HLCS: variants seen among roughly 807,000 people sequenced by gnomAD.
HLCS encodes the protein biotin--protein ligase.
Under a neutral mutation model 75.0 loss-of-function variants are expected in HLCS, and 53 were observed. That is an observed-to-expected ratio of 0.71 (90% CI 0.57 to 0.89). HLCS has a LOEUF of 0.89. Among genes scored for constraint, HLCS ranks in the 40% least tolerant of loss-of-function variants. The pLI is 0.00. For synonymous variants in HLCS, 431 were observed against 428.6 expected (o/e 1.01, Z -0.07); for missense variants, 966 against 1,074.0 (o/e 0.90, Z 1.41).
rs1418402190 is a variant in HLCS at position 36,750,142 on chromosome 21, T to TG, written c.*4103dup. 1.3e-5 allele frequency among the ~76,000 whole-genome samples: 2 copies of TG among 152,180 alleles called. No homozygotes were observed. Among genetic ancestry groups the TG allele is most frequent in the Non-Finnish European group, 2.9e-5 (2 of 68,012 alleles). On this transcript the variant is annotated 3_prime_UTR_variant, in exon 11 of 11. Transcript: ENST00000674895. ...TCTTGAAGAGTCTGCACATTTAAGC[T>TG]GGGGATAGCGTTTCTTGACTTCTGT...
intron 6 of HLCS, among the ~76,000 whole-genome samples, chr21:36,815,534 G>C (rs1365404400): frequency 6.6e-6 from 1 of 152,194 alleles, no homozygotes; most frequent in Non-Finnish European, 1.5e-5. Flanking sequence ...TATTATTACT[G>C]AGAAACAGAG....
At position 36,752,524 on chromosome 21, in the gene HLCS, C is replaced by T. The variant is rs149800712; in HGVS notation, c.*1722G>A. 1 of 152,600 alleles carries T rather than the reference C, an allele frequency of 6.6e-6. No homozygotes were observed. The highest frequency in any genetic ancestry group is 1.5e-5 in the Non-Finnish European group (1 of 68,032). 9.5% of individuals were successfully genotyped at this position (152,600 alleles called of 1,614,324 possible). A position where few individuals can be genotyped will look rare whatever the true frequency, so the allele number is the denominator to read the frequency against. Reference sequence around the variant, plus strand: ...GTCCCTGATGATATTCTGCAGATGCCCTCTCAAGGGTAAGTCCATTTTGTA... The same window carrying T: ...GTCCCTGATGATATTCTGCAGATGCTCTCTCAAGGGTAAGTCCATTTTGTA... On this transcript the variant is annotated 3_prime_UTR_variant, in exon 11 of 11. Coordinates refer to ENST00000674895, the MANE Select transcript of HLCS (RefSeq NM_001352514.2).
chr21:36,759,968 C>T, intron 8 of HLCS, 127 bp from the exon 9 acceptor site: 2 of 731,250 alleles, frequency 2.7e-6, no homozygotes, highest in South Asian at 2.9e-5. Flanking sequence ...CTTTTTCAGG[C>T]AGCTAATCAC....
At position 36,750,354 on chromosome 21, in the gene HLCS, TC is replaced by T. The variant is rs2123531242; in HGVS notation, c.*3891del. Among the ~76,000 whole-genome samples the T allele has an allele frequency of 6.6e-6, 1 of 152,300 alleles. No individual in the cohort carries two copies. Among genetic ancestry groups the T allele is most frequent in the Non-Finnish European group, 1.5e-5 (1 of 68,012 alleles). On this transcript the variant is annotated 3_prime_UTR_variant, in exon 11 of 11. Transcript: ENST00000674895. ...CACGGGGCCTCCCAGGGAAAGGAAT[TC>T]CTTTATGTTCTTGGAAGCCCTTTTC...
At chr21:36,824,670 T>A (rs1359206108) in intron 6 of HLCS, among the ~76,000 whole-genome samples, 5 of 152,232 alleles carry the variant, frequency 3.3e-5, no homozygotes, top group African/African-American at 1.2e-4. Flanking sequence ...GGTTTTGTTT[T>A]GTCCATACAC....
chr21:36,987,138 C>T (rs1016550507), intron 1 of HLCS, among the ~76,000 whole-genome samples: 2 of 152,242 alleles, frequency 1.3e-5, no homozygotes, highest in East Asian at 3.8e-4. Context: ...CCGCTCCTGA[C>T]TCATCGTTGA....
Position 36,748,883 on chromosome 21 carries a change from C to G in HLCS, c.*5363G>C, listed in dbSNP as rs954023722. The G allele has an allele frequency of 2.0e-5, 3 of 152,612 alleles. No homozygotes were observed. Among genetic ancestry groups the G allele is most frequent in the Non-Finnish European group, 4.4e-5 (3 of 68,048 alleles). The allele number at this position is 152,612 out of a possible 1,614,324, so 9.5% of individuals were successfully genotyped here. A position where few individuals can be genotyped will look rare whatever the true frequency, so the allele number is the denominator to read the frequency against. On this transcript the variant is annotated 3_prime_UTR_variant, in exon 11 of 11. Transcript: ENST00000674895. ...AGACAGTTTATGAGAATGACCCTGTCAAGCTTCATTATTACGTGGCAAAAT... is the reference window on the plus strand; with the variant it reads ...AGACAGTTTATGAGAATGACCCTGTGAAGCTTCATTATTACGTGGCAAAAT...
chr21:36,919,175 A>G (rs1435699955), intron 5 of HLCS, among the ~76,000 whole-genome samples: 1 of 152,222 alleles, frequency 6.6e-6, no homozygotes, highest in African/African-American at 2.4e-5. Flanking sequence ...TTGGCCATAA[A>G]TGGATAACTG....
chr21:36,882,366 C>T (rs2064258364), intron 6 of HLCS, among the ~76,000 whole-genome samples: 1 of 152,030 alleles, frequency 6.6e-6, no homozygotes, highest in African/African-American at 2.4e-5. Context: ...GAGTGATTCA[C>T]CAACATCGCA....
intron 6 of HLCS, among the ~76,000 whole-genome samples, chr21:36,818,805 C>T (rs1398047012): frequency 2.0e-5 from 3 of 152,082 alleles, no homozygotes; most frequent in South Asian, 2.1e-4. Context: ...AAGATGGAGT[C>T]GGGGCTGAGC....
At chr21:36,760,758 G>C (rs1053584817) in intron 8 of HLCS, among the ~76,000 whole-genome samples, 5 of 152,212 alleles carry the variant, frequency 3.3e-5, no homozygotes, top group African/African-American at 7.2e-5. Context: ...GTGTGGCCTG[G>C]GGGTGGGGGG....
rs1207287299 is a variant in HLCS at position 36,754,309 on chromosome 21, A to C, written c.2559T>G (p.Thr853=). 1.9e-6 allele frequency: 3 copies of C among 1,614,108 alleles called. No homozygotes were observed. Among genetic ancestry groups the C allele is most frequent in the Non-Finnish European group, 2.5e-6 (3 of 1,180,012 alleles). ...CGAAGGAGTTGCCGTCCGGGTGCACAGTCACAACCTCGCCGCCCTCCTGGT... is the reference window on the plus strand; with the variant it reads ...CGAAGGAGTTGCCGTCCGGGTGCACCGTCACAACCTCGCCGCCCTCCTGGT... ...QVHQEGGEVV[T]VHPDGNSFDM... The change falls in exon 11 of 11, where the codon ACT becomes ACG. Residue 853 remains threonine, a synonymous_variant. Transcript: ENST00000674895.
intron 6 of HLCS, among the ~76,000 whole-genome samples, chr21:36,844,659 T>C (rs899785036): frequency 4.6e-5 from 7 of 152,018 alleles, no homozygotes; most frequent in Admixed American, 4.6e-4. Flanking sequence ...TATACAGACA[T>C]GATCTTAACA....
At chr21:36,808,704 T>A (rs115883712) in intron 6 of HLCS, among the ~76,000 whole-genome samples, 2,594 of 152,332 alleles carry the variant, frequency 0.017, 61 homozygotes, top group African/African-American at 0.058. Flanking sequence ...GAAAGAAAAC[T>A]AGTATTTTGT....
chr21:36,976,392 T>TCACACA lies in HLCS; in HGVS notation c.-393+13760_-393+13765dup, dbSNP rs146534374. Among the ~76,000 whole-genome samples, 3 of 140,476 alleles carry TCACACA rather than the reference T, an allele frequency of 2.1e-5. No homozygotes were observed. The Admixed American group carries it at 2.3e-4, about 11-fold the overall frequency. The allele number at this position is 140,476 out of a possible 152,430, so 92.2% of individuals were successfully genotyped here. A position where few individuals can be genotyped will look rare whatever the true frequency, so the allele number is the denominator to read the frequency against. On this transcript the variant is annotated intron_variant, in intron 1 of 11. Coordinates refer to the HLCS transcript ENST00000336648. ...GTCATTACTGTTTTAAGGAAGTCAG[T>TCACACA]CACACACACACACACACGCATACAC... is the stretch of plus-strand genomic sequence containing the variant.
rs139152975 is a variant in HLCS, at chr21:36,931,622, G to A, written c.1438-1189C>T. ...AAAATTAGCCAGGCGTGGGTGGTGC[G>A]GCTGTAGTCCCAACTACTTGGGAGG... On this transcript the variant is annotated intron_variant, in intron 4 of 10. Transcript: ENST00000674895. Among the ~76,000 whole-genome samples the A allele has an allele frequency of 3.6e-3, 540 of 151,976 alleles. 2 individuals are homozygous for A. The highest frequency in any genetic ancestry group is 0.011 in the African/African-American group (476 of 41,454).
In HLCS at chr21:36,958,721, G is replaced by A. The variant is rs1359254674; in HGVS notation, c.330+3315C>T. 2.6e-5 allele frequency among the ~76,000 whole-genome samples: 4 copies of A among 151,962 alleles called. No individual in the cohort carries two copies. In the East Asian group the frequency reaches 7.7e-4, roughly 29 times the overall value. On this transcript the variant is annotated intron_variant, in intron 2 of 10. Transcript: ENST00000674895. ...GGAGAATTGCTTGAACCCGGGAGGT[G>A]GAGGTTGCAGTGAGCTGAGATCGCA...
At chr21:36,785,706 T>C (rs2145855481) in intron 6 of HLCS, among the ~76,000 whole-genome samples, 1 of 152,340 alleles carries the variant, frequency 6.6e-6, no homozygotes, top group African/African-American at 2.4e-5. Context: ...ACCTCCAGGA[T>C]GATGCTAAGT....
intron 2 of HLCS, among the ~76,000 whole-genome samples, chr21:36,960,771 G>A (rs2068249090): frequency 6.6e-6 from 1 of 152,200 alleles, no homozygotes; most frequent in African/African-American, 2.4e-5. Flanking sequence ...GGACCCACAA[G>A]TGAGGGGAAG....
Sources: gnomAD v4.1 joint callset for allele counts (sites outside exome capture counted in the v4.1 genomes callset) on GRCh38, gnomAD v4.1.1 for gene constraint, MANE v1.5 for transcripts, NCBI Gene and HGNC (gene_info 2026-07-23, HGNC 2026-07-21) for gene names.